RYR1: variants seen among roughly 807,000 people sequenced by gnomAD.
RYR1 encodes the protein central core disease of muscle.
In RYR1, 342 loss-of-function variants were observed where a neutral mutation model predicts 583.5. The observed-to-expected ratio is 0.59, with a 90% CI of 0.54 to 0.64. RYR1 has a LOEUF of 0.64. RYR1 is among the 30% of genes least tolerant of loss of function. The pLI, the probability that RYR1 is intolerant of heterozygous loss-of-function variation, is 0.00. For missense variants in RYR1, 6,032 were observed against 6,917.2 expected (o/e 0.87, Z 4.54); for synonymous variants, 2,791 against 2,822.5 (o/e 0.99, Z 0.35).
intron 76 of RYR1, 105 bp downstream of exon 76, chr19:38,529,162 G>A: frequency 2.6e-6 from 3 of 1,135,150 alleles, no homozygotes; most frequent in Non-Finnish European, 2.6e-6. Flanking sequence ...GGTCCTGGGG[G>A]AGCCCAAGAC....
In RYR1 at chr19:38,558,152, A is replaced by G. The variant is rs375513100; in HGVS notation, c.12283-2961A>G. ...AATGAGACCTTGTCTCTACAAAAAA[A>G]CTGTTTAAAAAATTAGCTGGGTATG... On this transcript the variant is annotated intron_variant, in intron 89 of 105. Transcript: ENST00000359596. 4.6e-5 allele frequency among the ~76,000 whole-genome samples: 7 copies of G among 151,622 alleles called. No homozygotes were observed. The East Asian group carries it at 1.2e-3, about 25-fold the overall frequency.
chr19:38,585,382 A>G (rs1974431738), intron 102 of RYR1, among the ~76,000 whole-genome samples: 1 of 147,396 alleles, frequency 6.8e-6, no homozygotes, highest in South Asian at 2.1e-4. Flanking sequence ...ATATATATAT[A>G]TATATGTTTA....
At position 38,460,528 on chromosome 19, in the gene RYR1, G is replaced by C. The variant is rs764132499; in HGVS notation, c.2514G>C (p.Leu838=). 6.2e-7 allele frequency: 1 copy of C among 1,614,106 alleles called. No homozygotes were observed. Among genetic ancestry groups the C allele is most frequent in the East Asian group, 2.2e-5 (1 of 44,882 alleles). Residue 838 remains leucine, a synonymous_variant, in exon 20 of 106, where the codon CTG becomes CTC. Transcript: ENST00000359596. The part of the protein sequence containing the change: ...YRREGPRGPH[L]VGPSRCLSHT... ...GGGAGGGGCCCCGGGGGCCTCACCT[G>C]GTGGGCCCCAGTCGCTGCCTCTCAC...
intron 53 of RYR1, 36 bp downstream of exon 53, chr19:38,505,434 A>T (rs1315399889): frequency 2.8e-6 from 4 of 1,428,494 alleles, no homozygotes; most frequent in Non-Finnish European, 3.9e-6. Context: ...TGAGGGTCAA[A>T]ATGAAACCCC....
chr19:38,480,492 T>G (rs1226369367), intron 31 of RYR1, among the ~76,000 whole-genome samples: 3 of 152,172 alleles, frequency 2.0e-5, no homozygotes, highest in African/African-American at 7.2e-5. Context: ...CTGGATAATT[T>G]TGAAGGAAAT....
At chr19:38,450,918 A>G (rs568080470) in intron 11 of RYR1, among the ~76,000 whole-genome samples, 14 of 152,174 alleles carry the variant, frequency 9.2e-5, no homozygotes, top group Admixed American at 4.6e-4. Flanking sequence ...TAGAAAAGAA[A>G]TTATTTTGGG....
At chr19:38,563,540 C>G (rs1453720907) in intron 90 of RYR1, among the ~76,000 whole-genome samples, 1 of 152,210 alleles carries the variant, frequency 6.6e-6, no homozygotes, top group African/African-American at 2.4e-5. Context: ...GTTGGGATTA[C>G]AGGTGTGCGC....
rs1361017380 is a variant in RYR1, at chr19:38,489,499, G to C, written c.5814+56G>C. On this transcript the variant is annotated intron_variant, in intron 35 of 105. Transcript: ENST00000359596. ...TGTCCATCTGGGCTGGGAGACACAG[G>C]GTAGGTGGGATGTGAGTCTGGACTT... 7 of 1,604,122 alleles carry C rather than the reference G, an allele frequency of 4.4e-6. No homozygotes were observed. The East Asian group carries it at 1.6e-4, about 36-fold the overall frequency.
rs1288036009 is a variant in RYR1 at position 38,463,739 on chromosome 19, T to C, written c.2683-8T>C. 1 of 1,612,436 alleles carries C rather than the reference T, an allele frequency of 6.2e-7. No individual in the cohort carries two copies. On this transcript the variant is annotated splice_region_variant and splice_polypyrimidine_tract_variant and intron_variant, in intron 21 of 105. Transcript: ENST00000359596. ...GAGCACATGGAGTTGACCCTGGGTTTTCTCCAGGTTCGGGATGACAACAAG... is the reference window on the plus strand; with the variant it reads ...GAGCACATGGAGTTGACCCTGGGTTCTCTCCAGGTTCGGGATGACAACAAG...
At chr19:38,530,658 G>T (rs1474631433) in intron 76 of RYR1, among the ~76,000 whole-genome samples, 1 of 152,136 alleles carries the variant, frequency 6.6e-6, no homozygotes, top group Non-Finnish European at 1.5e-5. Flanking sequence ...GGGGCCCAGG[G>T]TCTTTCTAGC....
intron 71 of RYR1, 47 bp downstream of exon 71, chr19:38,525,549 C>T (rs1290683729): frequency 6.3e-7 from 1 of 1,594,230 alleles, no homozygotes; most frequent in Non-Finnish European, 8.6e-7. Flanking sequence ...TGCCGCCCAG[C>T]ACCCACTGAA....
intron 91 of RYR1, among the ~76,000 whole-genome samples, chr19:38,566,328 A>G (rs1026663979): frequency 6.6e-6 from 1 of 151,576 alleles, no homozygotes; most frequent in Non-Finnish European, 1.5e-5. Flanking sequence ...GTGCGCCTGT[A>G]ATCCCAGCTA....
chr19:38,520,176 G>A (rs959300166), intron 67 of RYR1, among the ~76,000 whole-genome samples: 44 of 150,090 alleles, frequency 2.9e-4, no homozygotes, highest in African/African-American at 1.1e-3. Context: ...CTGGGTTCAA[G>A]CGATCCTCTG....
rs183115324 is a variant in RYR1, at chr19:38,522,702, C to G, written c.10260-326C>G. On this transcript the variant is annotated intron_variant, in intron 67 of 105. Transcript: ENST00000359596. ...CAGTGGCTTACACCTGTAATCCCAG[C>G]ACTTTGGGAGGCCGAGGTGGGTGGA... is the stretch of plus-strand genomic sequence containing the variant. Among the ~76,000 whole-genome samples, 576 of 152,148 alleles carry G rather than the reference C, an allele frequency of 3.8e-3. 1 individual carries two copies. Among genetic ancestry groups the G allele is most frequent in the Non-Finnish European group, 5.5e-3 (372 of 67,984 alleles).
At chr19:38,482,142 AT>A (rs1409522346) in intron 31 of RYR1, among the ~76,000 whole-genome samples, 1 of 152,088 alleles carries the variant, frequency 6.6e-6, no homozygotes, top group African/African-American at 2.4e-5. Context: ...ACCCCTTCCC[AT>A]GCCTGCCAAA....
At position 38,517,594 on chromosome 19, in the gene RYR1, C is replaced by G; in HGVS notation, c.9921C>G (p.Val3307=). 1 of 1,614,180 alleles carries G rather than the reference C, an allele frequency of 6.2e-7. No individual in the cohort carries two copies. The highest frequency in any genetic ancestry group is 8.5e-7 in the Non-Finnish European group (1 of 1,180,014). The change falls in exon 66 of 106, where the codon GTC becomes GTG. Residue 3307 remains valine (V), a synonymous_variant. Transcript: ENST00000359596. ...PAGAPPPCTA[V]TSDHLNSLLG... is the part of the protein sequence containing the mutation. ...GCGCCCCCCCACCCTGCACAGCTGTCACCTCTGACCACCTCAACTCCCTGC... is the reference window on the plus strand; with the variant it reads ...GCGCCCCCCCACCCTGCACAGCTGTGACCTCTGACCACCTCAACTCCCTGC...
intron 18 of RYR1, 85 bp downstream of exon 18, chr19:38,458,377 C>T: frequency 1.4e-6 from 2 of 1,411,310 alleles, no homozygotes; most frequent in Non-Finnish European, 2.0e-6. Context: ...TTGGGGTTCT[C>T]AGGATCCTGA....
chr19:38,469,864 C>T (rs1968326319), intron 27 of RYR1, among the ~76,000 whole-genome samples: 1 of 151,314 alleles, frequency 6.6e-6, no homozygotes, highest in African/African-American at 2.4e-5. Context: ...CCCAGGAGTT[C>T]AAGACCAGCC....
rs1373309305 is a variant in RYR1, at chr19:38,543,302, C to T, written c.11690-45C>T. The T allele has an allele frequency of 1.9e-6, 3 of 1,541,496 alleles. No homozygotes were observed. The highest frequency in any genetic ancestry group is 2.7e-6 in the Non-Finnish European group (3 of 1,113,876). ...ATAAATGACCCACTGTTCATCTCCC[C>T]TAGCACATGGGAGGTGCTGGATAAA... On this transcript the variant is annotated intron_variant, in intron 84 of 105. Coordinates refer to ENST00000359596, the MANE Select transcript of RYR1 (RefSeq NM_000540.3). The surrounding 1 kb of genome is among the most constrained non-coding windows in gnomAD (Gnocchi z 4.4).
Sources: gnomAD v4.1 joint callset for allele counts (sites outside exome capture counted in the v4.1 genomes callset) on GRCh38, gnomAD v4.1.1 for gene constraint, Gnocchi (gnomAD v3.1) non-coding constraint, MANE v1.5 for transcripts, NCBI Gene and HGNC (gene_info 2026-07-23, HGNC 2026-07-21) for gene names.